LIPI: variants seen among roughly 807,000 people sequenced by gnomAD.
The protein encoded by LIPI is lipase member I.
LIPI carries 59 observed loss-of-function variants against 50.6 expected under a neutral mutation model. That is an observed-to-expected ratio of 1.16 (90% CI 0.94 to 1.45). LIPI has a LOEUF of 1.45. LIPI is among the 40% of genes most tolerant of loss of function. The pLI, the probability that LIPI is intolerant of heterozygous loss-of-function variation, is 0.00. For synonymous variants in LIPI, 203 were observed against 178.2 expected (o/e 1.14, Z -1.11); for missense variants, 586 against 536.3 (o/e 1.09, Z -0.92).
chr21:14,145,563 T>C (rs768688108), intron 8 of LIPI, among the ~76,000 whole-genome samples: 2 of 150,176 alleles, frequency 1.3e-5, no homozygotes, highest in South Asian at 2.1e-4. Flanking sequence ...AAAAAACTGA[T>C]GGCAAAGAGG....
intron 4 of LIPI, among the ~76,000 whole-genome samples, chr21:14,167,658 T>A (rs1003101102): frequency 2.0e-5 from 3 of 152,192 alleles, no homozygotes; most frequent in Non-Finnish European, 2.9e-5. Context: ...GAGGGTCCTG[T>A]CTGTTAGAAG....
chr21:14,145,569 A>C (rs976722139), intron 8 of LIPI, among the ~76,000 whole-genome samples: 1 of 152,082 alleles, frequency 6.6e-6, no homozygotes, highest in Non-Finnish European at 1.5e-5. Flanking sequence ...CTGATGGCAA[A>C]GAGGAGAAAG....
intron 9 of LIPI, among the ~76,000 whole-genome samples, chr21:14,126,310 A>T (rs2017062660): frequency 6.6e-6 from 1 of 152,262 alleles, no homozygotes; most frequent in African/African-American, 2.4e-5. Context: ...ATGTCCTCTT[A>T]CTGGTGGATG....
intron 1 of LIPI, among the ~76,000 whole-genome samples, chr21:14,204,307 G>A (rs1321784008): frequency 6.6e-6 from 1 of 150,972 alleles, no homozygotes; most frequent in Admixed American, 6.6e-5. Context: ...GAGGTAGAAG[G>A]GTTTGGGAGG....
At chr21:14,123,304 A>G (rs1416868830) in intron 9 of LIPI, among the ~76,000 whole-genome samples, 1 of 152,222 alleles carries the variant, frequency 6.6e-6, no homozygotes, top group Non-Finnish European at 1.5e-5. Flanking sequence ...ATTCCTCTGT[A>G]TCAGATTTTA....
chr21:14,179,049 C>G (rs2019184231), intron 4 of LIPI, among the ~76,000 whole-genome samples: 3 of 152,022 alleles, frequency 2.0e-5, no homozygotes, highest in Admixed American at 2.0e-4. Flanking sequence ...GAGTTCCAGA[C>G]AAGAATAACA....
intron 9 of LIPI, among the ~76,000 whole-genome samples, chr21:14,110,317 G>A (rs2123288255): frequency 6.6e-6 from 1 of 150,796 alleles, no homozygotes; most frequent in South Asian, 2.1e-4. Context: ...CATTAATATA[G>A]AGGCCCCTAA....
chr21:14,188,225 C>A (rs2019522568), intron 2 of LIPI, among the ~76,000 whole-genome samples: 1 of 152,166 alleles, frequency 6.6e-6, no homozygotes, highest in Admixed American at 6.5e-5. Context: ...TTGATCCATT[C>A]AAATCCTGAG....
chr21:14,182,250 A>G (rs1323674031), intron 3 of LIPI, among the ~76,000 whole-genome samples: 2 of 152,196 alleles, frequency 1.3e-5, no homozygotes, highest in Admixed American at 6.5e-5. Context: ...CTTTGGATTT[A>G]TCTGTAGATA....
intron 9 of LIPI, among the ~76,000 whole-genome samples, chr21:14,137,784 T>C (rs1354667851): frequency 6.6e-6 from 1 of 152,132 alleles, no homozygotes; most frequent in Non-Finnish European, 1.5e-5. Context: ...CAAACAGATT[T>C]AACCGAAAGA....
chr21:14,164,685 T>TC (rs1393550874), intron 6 of LIPI, among the ~76,000 whole-genome samples: 2 of 152,290 alleles, frequency 1.3e-5, no homozygotes, highest in Admixed American at 6.5e-5. Flanking sequence ...TGGATTTTTT[T>TC]CTCTATAATT....
At chr21:14,129,045 G>A (rs1244458698) in intron 9 of LIPI, among the ~76,000 whole-genome samples, 1 of 152,058 alleles carries the variant, frequency 6.6e-6, no homozygotes, top group Non-Finnish European at 1.5e-5. Context: ...TAGTTTCACA[G>A]AAGTATTTGG....
At chr21:14,168,622 T>C (rs1161640536) in intron 4 of LIPI, among the ~76,000 whole-genome samples, 1 of 152,078 alleles carries the variant, frequency 6.6e-6, no homozygotes, top group Non-Finnish European at 1.5e-5. Context: ...CTAAGCTTCA[T>C]AAGTGAAGGA....
chr21:14,207,051 G>T, intron 1 of LIPI: 1 of 694,548 alleles, frequency 1.4e-6, no homozygotes, highest in Non-Finnish European at 2.6e-6. Context: ...GAAGACAGTG[G>T]CTTCTATGGC....
At position 14,189,033 on chromosome 21, in the gene LIPI, C is replaced by T; in HGVS notation, c.432+1G>A. 1.2e-6 allele frequency: 2 copies of T among 1,602,522 alleles called. No individual in the cohort carries two copies. The highest frequency in any genetic ancestry group is 8.5e-7 in the Non-Finnish European group (1 of 1,179,186). On this transcript the variant is annotated splice_donor_variant, in intron 2 of 9. Transcript: ENST00000681601. LOFTEE classifies it high-confidence loss of function. ...ATAATACATAAAATTCCCAGACTTA[C>T]CAAAAGATTTTTAATGTGCACACTC...
chr21:14,191,726 C>G (rs961379178), intron 1 of LIPI, among the ~76,000 whole-genome samples: 1 of 152,148 alleles, frequency 6.6e-6, no homozygotes, highest in Non-Finnish European at 1.5e-5. Context: ...TTGTTCCACT[C>G]CTTGATATGG....
At position 14,167,375 on chromosome 21, in the gene LIPI, C is replaced by T. The variant is rs376962271; in HGVS notation, c.644-924G>A. Reference sequence around the variant, plus strand: ...GAAGAGAGCTGTGGTTCTCCCAGCACGCAGCTGGAGATCTGAGAACGGGCA... The same window carrying T: ...GAAGAGAGCTGTGGTTCTCCCAGCATGCAGCTGGAGATCTGAGAACGGGCA... On this transcript the variant is annotated intron_variant, in intron 4 of 9. Transcript: ENST00000681601. Among the ~76,000 whole-genome samples the T allele has an allele frequency of 2.6e-3, 393 of 152,310 alleles. 2 individuals are homozygous for T. Among genetic ancestry groups the T allele is most frequent in the Middle Eastern group, 0.01 (3 of 294 alleles).
chr21:14,119,848 A>G (rs755023842), intron 9 of LIPI, among the ~76,000 whole-genome samples: 1 of 152,204 alleles, frequency 6.6e-6, no homozygotes, highest in Non-Finnish European at 1.5e-5. Context: ...ACTGGCCGCC[A>G]CTGCCTTGTT....
chr21:14,171,204 T>C (rs1457658810), intron 4 of LIPI, among the ~76,000 whole-genome samples: 1 of 150,838 alleles, frequency 6.6e-6, no homozygotes, highest in Admixed American at 6.6e-5. Flanking sequence ...CACTGCTCAA[T>C]GAAATAAAAG....
Sources: gnomAD v4.1 joint callset for allele counts (sites outside exome capture counted in the v4.1 genomes callset) on GRCh38, gnomAD v4.1.1 for gene constraint, MANE v1.5 for transcripts, NCBI Gene and HGNC (gene_info 2026-07-23, HGNC 2026-07-21) for gene names.